CLNK: variants seen among roughly 807,000 people sequenced by gnomAD.
CLNK encodes cytokine dependent hematopoietic cell linker, also known as cytokine-dependent hematopoietic cell linker.
A neutral mutation model predicts 68.6 loss-of-function variants in CLNK; 74 were observed. The ratio of observed to expected loss-of-function variants is 1.08; its 90% CI spans 0.89 to 1.31. The LOEUF is 1.31. Among genes scored for constraint, CLNK ranks in the 50% most tolerant of loss-of-function variants. CLNK has a pLI of 0.00. For missense variants in CLNK, 553 were observed against 515.3 expected (o/e 1.07, Z -0.71); for synonymous variants, 198 against 172.2 (o/e 1.15, Z -1.17).
chr4:10,629,079 C>T (rs1722787062), intron 2 of CLNK, among the ~76,000 whole-genome samples: 1 of 152,126 alleles, frequency 6.6e-6, no homozygotes, highest in Admixed American at 6.5e-5. Flanking sequence ...CTCCCATGAC[C>T]TGTATGACCA....
intron 2 of CLNK, among the ~76,000 whole-genome samples, chr4:10,652,487 A>G (rs1723785068): frequency 6.6e-6 from 1 of 152,026 alleles, no homozygotes; most frequent in African/African-American, 2.4e-5. Flanking sequence ...AGAATAGAAA[A>G]GTGTCAATAT....
In CLNK at chr4:10,537,706, CCTTT is replaced by C. The variant is rs752656552; in HGVS notation, c.602+2784_602+2787del. On this transcript the variant is annotated intron_variant, in intron 11 of 18. Coordinates refer to ENST00000226951, the MANE Select transcript of CLNK (RefSeq NM_052964.4). ...TCCTTCCTTCCTTCCTTCCTTCCTT[CCTTT>C]CTTTCTTTCTTTCTTTCTTTCTTTC... is the stretch of plus-strand genomic sequence containing the variant. Among the ~76,000 whole-genome samples, 49 of 13,400 alleles carry C rather than the reference CCTTT, an allele frequency of 3.7e-3. 1 individual carries two copies. The highest frequency in any genetic ancestry group is 9.7e-3 in the African/African-American group (36 of 3,710). 8.8% of individuals were successfully genotyped at this position (13,400 alleles called of 152,430 possible). A position where few individuals can be genotyped will look rare whatever the true frequency, so the allele number is the denominator to read the frequency against.
At chr4:10,639,831 C>A (rs952218084) in intron 2 of CLNK, among the ~76,000 whole-genome samples, 9 of 152,212 alleles carry the variant, frequency 5.9e-5, no homozygotes, top group African/African-American at 1.9e-4. Context: ...GAATGCCTGA[C>A]AAATATTCTC....
intron 14 of CLNK, chr4:10,523,808 T>G (rs948920661): frequency 5.7e-6 from 1 of 175,486 alleles, no homozygotes; most frequent in African/African-American, 2.4e-5. Context: ...GTGAATCACT[T>G]GAGCCCAGGA....
Position 10,487,330 on chromosome 4 carries a change from T to A in CLNK, c.*3137A>T, listed in dbSNP as rs1258087310. On this transcript the variant is annotated 3_prime_UTR_variant, in exon 19 of 19. Coordinates refer to ENST00000226951, the MANE Select transcript of CLNK (RefSeq NM_052964.4). ...GAGATTTTGGCCAATGAGGTACAAT[T>A]TCCTCAATTATAAAATGCATTAGAA... The A allele has an allele frequency of 6.6e-6, 1 of 152,212 alleles. No individual in the cohort carries two copies. The highest frequency in any genetic ancestry group is 1.5e-5 in the Non-Finnish European group (1 of 68,038). The allele number at this position is 152,212 out of a possible 1,614,324, so 9.4% of individuals were successfully genotyped here.
intron 3 of CLNK, among the ~76,000 whole-genome samples, chr4:10,588,037 G>A (rs9684265): frequency 0.97 from 147,509 of 152,280 alleles, 71,616 homozygotes; most frequent in East Asian, 1. Context: ...CTTCTCTGAT[G>A]TCTTGGTCTT....
the CLNK span, among the ~76,000 whole-genome samples, chr4:10,702,510 A>G: frequency 6.6e-6 from 1 of 152,208 alleles, no homozygotes. Flanking sequence ...GGATGGATAG[A>G]GAAAGAAGTG....
At chr4:10,494,317 CTGTTT>C (rs1716714520) in intron 18 of CLNK, among the ~76,000 whole-genome samples, 1 of 152,174 alleles carries the variant, frequency 6.6e-6, no homozygotes, top group African/African-American at 2.4e-5. Flanking sequence ...AGTATCATTC[CTGTTT>C]TAAGATTGTC....
the CLNK span, among the ~76,000 whole-genome samples, chr4:10,700,413 T>A: frequency 6.6e-6 from 1 of 152,246 alleles, no homozygotes; most frequent in Non-Finnish European, 1.5e-5. Context: ...TTTACAGAGA[T>A]GTTGGAATTA....
At chr4:10,651,087 C>G (rs960555951) in intron 2 of CLNK, among the ~76,000 whole-genome samples, 1 of 152,128 alleles carries the variant, frequency 6.6e-6, no homozygotes, top group African/African-American at 2.4e-5. Context: ...TAGGGACGCT[C>G]TTACACTGTT....
At chr4:10,508,890 C>G (rs1174728860) in intron 16 of CLNK, among the ~76,000 whole-genome samples, 1 of 151,998 alleles carries the variant, frequency 6.6e-6, no homozygotes, top group African/African-American at 2.4e-5. Context: ...GGGCGGATCA[C>G]AAGGTCAGGA....
At chr4:10,689,366 C>T (rs958086831), upstream of CLNK, among the ~76,000 whole-genome samples, 1 of 152,146 alleles carries the variant, frequency 6.6e-6, no homozygotes, top group Admixed American at 6.5e-5. Context: ...AACTCCTGGT[C>T]TCAAGCAATC....
intron 3 of CLNK, among the ~76,000 whole-genome samples, chr4:10,597,269 C>T (rs2108876): frequency 0.68 from 103,735 of 151,556 alleles, 36,343 homozygotes; most frequent in East Asian, 0.77. Flanking sequence ...AAGGCTTGGC[C>T]AGGGAGTCCC....
intron 4 of CLNK, 66 bp downstream of exon 4, chr4:10,584,861 A>C (rs1195502398): frequency 6.6e-7 from 1 of 1,515,002 alleles, no homozygotes; most frequent in East Asian, 2.3e-5. Context: ...AAAAGAATGG[A>C]AATAACAGCC....
intron 3 of CLNK, among the ~76,000 whole-genome samples, chr4:10,590,240 CT>C (rs1721135263): frequency 6.6e-6 from 1 of 152,140 alleles, no homozygotes; most frequent in South Asian, 2.1e-4. Flanking sequence ...TTTAATACAT[CT>C]AATAATCTTT....
At chr4:10,640,260 G>C (rs1044059672) in intron 2 of CLNK, among the ~76,000 whole-genome samples, 1 of 152,098 alleles carries the variant, frequency 6.6e-6, no homozygotes, top group Non-Finnish European at 1.5e-5. Flanking sequence ...AGCCTCCTCA[G>C]TTCAAGAGAT....
intron 2 of CLNK, among the ~76,000 whole-genome samples, chr4:10,657,054 A>G (rs1310533507): frequency 6.6e-6 from 1 of 152,230 alleles, no homozygotes; most frequent in Non-Finnish European, 1.5e-5. Context: ...CAAGAATACT[A>G]CAAAGTACAC....
the CLNK span, among the ~76,000 whole-genome samples, chr4:10,713,698 T>C: frequency 6.6e-6 from 1 of 152,192 alleles, no homozygotes; most frequent in East Asian, 1.9e-4. Context: ...TTCCCTGCAA[T>C]AATGAGTTCT....
the CLNK span, among the ~76,000 whole-genome samples, chr4:10,700,896 T>G: frequency 6.6e-6 from 1 of 152,236 alleles, no homozygotes; most frequent in African/African-American, 2.4e-5. Flanking sequence ...GATGCACATA[T>G]AATTACACAG....
Sources: gnomAD v4.1 joint callset for allele counts (sites outside exome capture counted in the v4.1 genomes callset) on GRCh38, gnomAD v4.1.1 for gene constraint, MANE v1.5 for transcripts, NCBI Gene and HGNC (gene_info 2026-07-23, HGNC 2026-07-21) for gene names.